Variants in KCNK4 observed in about 807,000 individuals in gnomAD.
The protein encoded by KCNK4 is potassium two pore domain channel subfamily K member 4.
KCNK4 carries 22 observed loss-of-function variants against 28.8 expected under a neutral mutation model. The ratio of observed to expected loss-of-function variants is 0.76; its 90% confidence interval spans 0.55 to 1.09. The LOEUF (loss-of-function observed/expected upper bound fraction) is 1.09, where lower values mean the gene tolerates loss of function less well. Ranked by LOEUF, KCNK4 falls within the 50% of genes least tolerant of loss-of-function variation. The pLI, the probability that KCNK4 is intolerant of heterozygous loss-of-function variation, is 0.00. For missense variants in KCNK4, 483 were observed against 546.3 expected, an observed-to-expected ratio of 0.88 and a Z score of 1.15; for synonymous variants, 263 against 252.9, an observed-to-expected ratio of 1.04 and a Z score of -0.38.
At position 64,298,099 on chromosome 11, in the gene KCNK4, T is replaced by A; in HGVS notation, c.662-11T>A. On this transcript the variant is annotated splice_polypyrimidine_tract_variant and intron_variant, in intron 5 of 6. Coordinates refer to ENST00000422670, the MANE Select transcript of KCNK4 (RefSeq NM_033310.3). ...ATCCAATTCTTTCTACCTTCCCTGG[T>A]GGTATCCCAGGCGCGGACCCCAGGC... 6.2e-7 allele frequency: 1 copy of A among 1,612,456 alleles called. No individual in the cohort carries two copies. The highest frequency in any genetic ancestry group is 8.5e-7 in the Non-Finnish European group (1 of 1,179,570).
At chr11:64,293,628 T>G (rs1031581094) in intron 2 of KCNK4, among the ~76,000 whole-genome samples, 13 of 151,628 alleles carry the variant, frequency 8.6e-5, no homozygotes, top group African/African-American at 3.2e-4. Context: ...TGAGACGGAG[T>G]CTCCCTGTGT....
At chr11:64,292,692 C>G in intron 1 of KCNK4, 1 of 246,918 alleles carries the variant, frequency 4.0e-6, no homozygotes. Context: ...TCCCACTCGC[C>G]TTCCTTTCCC....
chr11:64,291,870 C>A (rs1035945480), intron 1 of KCNK4: 12 of 258,556 alleles, frequency 4.6e-5, no homozygotes, highest in African/African-American at 2.3e-4. Context: ...GGGTGCCCAC[C>A]TCTCGCGCGT....
In KCNK4 at chr11:64,291,499, C is replaced by G. The variant is rs1339134717; in HGVS notation, c.-145C>G. The G allele has an allele frequency of 6.6e-6, 1 of 152,478 alleles. No homozygotes were observed. Among genetic ancestry groups the G allele is most frequent in the Non-Finnish European group, 1.5e-5 (1 of 68,246 alleles). The allele number at this position is 152,478 out of a possible 1,614,324, so 9.4% of individuals were successfully genotyped here. ...GCTAGAAGGCTGGCCCCTGCTGCAA[C>G]CCCTCTCCGGCTCCTCTGCCACCCA... On this transcript the variant is annotated 5_prime_UTR_variant, in exon 1 of 7. Coordinates refer to ENST00000422670, the MANE Select transcript of KCNK4 (RefSeq NM_033310.3).
At chr11:64,292,179 GGTCTTTGTGCCC>G (rs1380901877) in intron 1 of KCNK4, 1 of 842,458 alleles carries the variant, frequency 1.2e-6, no homozygotes, top group East Asian at 1.2e-4. Context: ...TGGGCGCGCG[GGTCTTTGTGCCC>G]GCGCTTGGCG....
At chr11:64,293,558 C>T (rs1054983616) in intron 2 of KCNK4, among the ~76,000 whole-genome samples, 1 of 152,214 alleles carries the variant, frequency 6.6e-6, no homozygotes, top group Non-Finnish European at 1.5e-5. Flanking sequence ...GATTGCCACA[C>T]AAAATCCAAG....
intron 4 of KCNK4, 74 bp downstream of exon 4, chr11:64,297,353 C>A (rs956281176): frequency 1.3e-6 from 2 of 1,572,990 alleles, no homozygotes; most frequent in African/African-American, 2.7e-5. Context: ...GGCACATGAG[C>A]GCGCCCCCAA....
chr11:64,297,242 T>G lies in KCNK4; in HGVS notation c.437T>G (p.Leu146Arg). Residue 146 changes from leucine to arginine, a missense_variant, in exon 4 of 7, where the codon CTG becomes CGG. By Grantham distance (102) the Leu-to-Arg change is moderately radical. Coordinates refer to ENST00000422670, the MANE Select transcript of KCNK4 (RefSeq NM_033310.3). The stretch of plus-strand genomic sequence containing the variant: ...GTCGGGGACCGGCTGGGCTCCTCCC[T>G]GCGCCATGGCATCGGTCACATTGAA... ...AGVGDRLGSSLRHGIGHIEAI... is the reference protein window; with the variant it reads ...AGVGDRLGSSRRHGIGHIEAI... 1 of 1,613,822 alleles carries G rather than the reference T, an allele frequency of 6.2e-7. No homozygotes were observed. Among genetic ancestry groups the G allele is most frequent in the Non-Finnish European group, 8.5e-7 (1 of 1,179,920 alleles).
chr11:64,298,040 G>T, intron 5 of KCNK4, 70 bp from the exon 6 acceptor site: 1 of 1,552,404 alleles, frequency 6.4e-7, no homozygotes. Flanking sequence ...CTGGGAGGGG[G>T]GCACTGAACC....
Position 64,297,280 on chromosome 11 carries a change from G to A in KCNK4, c.474+1G>A, listed in dbSNP as rs1301712212. On this transcript the variant is annotated splice_donor_variant, in intron 4 of 6. Transcript: ENST00000422670. LOFTEE classifies it high-confidence loss of function. ...CGGTCACATTGAAGCCATCTTCTTG[G>A]TGAGCTGCTCCATGCCCTGCCTGCC... 2 of 1,610,882 alleles carry A rather than the reference G, an allele frequency of 1.2e-6. No individual in the cohort carries two copies. Among genetic ancestry groups the A allele is most frequent in the Admixed American group, 1.7e-5 (1 of 59,852 alleles).
chr11:64,299,171 C>A (rs2034856480), intron 6 of KCNK4, among the ~76,000 whole-genome samples, 175 bp from the exon 7 acceptor site: 1 of 151,950 alleles, frequency 6.6e-6, no homozygotes, highest in Non-Finnish European at 1.5e-5. Context: ...ATTTTGCCAC[C>A]CTGCTGGGAG....
chr11:64,293,530 G>T (rs1211205221), intron 2 of KCNK4, among the ~76,000 whole-genome samples: 2 of 152,146 alleles, frequency 1.3e-5, no homozygotes, highest in Non-Finnish European at 2.9e-5. Flanking sequence ...ATTTGCACAG[G>T]TCTCACTCAC....
intron 4 of KCNK4, 36 bp downstream of exon 4, chr11:64,297,315 G>T (rs765014849): frequency 6.3e-7 from 1 of 1,591,564 alleles, no homozygotes; most frequent in Non-Finnish European, 8.6e-7. Flanking sequence ...CCTTGTGCTG[G>T]GCTCCGGCTA....
intron 1 of KCNK4, chr11:64,292,226 G>T (rs545561027): frequency 4.0e-5 from 17 of 428,186 alleles, no homozygotes; most frequent in East Asian, 1.6e-4. Flanking sequence ...GTGTGTGCGC[G>T]TGGGCGCCGC....
chr11:64,299,653 G>GCCC lies in KCNK4; in HGVS notation c.1110_1112dup (p.Pro371dup). 1 of 1,607,006 alleles carries GCCC rather than the reference G, an allele frequency of 6.2e-7. No individual in the cohort carries two copies. The highest frequency in any genetic ancestry group is 8.5e-7 in the Non-Finnish European group (1 of 1,177,518). ...CCCCGCGCGCCGAGAGGTCGCCGCC[G>GCCC]CCCAAATCCCCCCAGGAAGCCCGTG... On this transcript the variant is annotated inframe_insertion, in exon 7 of 7. Transcript: ENST00000422670.
At position 64,299,332 on chromosome 11, in the gene KCNK4, C is replaced by T. The variant is rs748663653; in HGVS notation, c.802-14C>T. 1 of 1,523,114 alleles carries T rather than the reference C, an allele frequency of 6.6e-7. No individual in the cohort carries two copies. Among genetic ancestry groups the T allele is most frequent in the Non-Finnish European group, 8.8e-7 (1 of 1,136,478 alleles). 94.3% of individuals were successfully genotyped at this position (1,523,114 alleles called of 1,614,324 possible). On this transcript the variant is annotated splice_polypyrimidine_tract_variant and intron_variant, in intron 6 of 6. Coordinates refer to ENST00000422670, the MANE Select transcript of KCNK4 (RefSeq NM_033310.3). Reference sequence around the variant, plus strand: ...TAGACCTCTAGTCGAGGGCTGCTTTCCCTCTCCGTGCAGATGGGCGGCCTC... The same window carrying T: ...TAGACCTCTAGTCGAGGGCTGCTTTTCCTCTCCGTGCAGATGGGCGGCCTC...
chr11:64,297,937 T>C (rs1565369981), intron 5 of KCNK4, among the ~76,000 whole-genome samples, 173 bp from the exon 6 acceptor site: 1 of 152,182 alleles, frequency 6.6e-6, no homozygotes, highest in Non-Finnish European at 1.5e-5. Context: ...TCTTGCACAC[T>C]TTCAACTCAT....
At chr11:64,297,082 G>A (rs2232412) in intron 3 of KCNK4, 37 bp from the exon 4 acceptor site, 135 of 1,613,178 alleles carry the variant, frequency 8.4e-5, no homozygotes, top group Middle Eastern at 5.0e-4. Flanking sequence ...GGGGTCCCAG[G>A]TGGCCCCTAG....
At chr11:64,298,066 G>A (rs763279895) in intron 5 of KCNK4, 44 bp from the exon 6 acceptor site, 3 of 1,600,080 alleles carry the variant, frequency 1.9e-6, no homozygotes, top group African/African-American at 2.7e-5. Context: ...TCACAGGCTT[G>A]CCCCACAATC....
Sources: allele counts gnomAD v4.1 joint callset (sites outside exome capture counted in the v4.1 genomes callset), GRCh38; gene constraint gnomAD v4.1.1; transcripts MANE v1.5; gene names NCBI Gene and HGNC (gene_info 2026-07-23, HGNC 2026-07-21).